Variants in PDE8A observed in about 807,000 individuals in gnomAD.
PDE8A encodes high affinity cAMP-specific and IBMX-insensitive 3',5'-cyclic phosphodiesterase 8A.
PDE8A carries 59 observed loss-of-function variants against 105.0 expected under a neutral mutation model. The observed-to-expected ratio is 0.56, with a 90% CI of 0.46 to 0.70. PDE8A has a LOEUF of 0.70. Among genes scored for constraint, PDE8A ranks in the 30% least tolerant of loss-of-function variants. The pLI is 0.00. For synonymous variants in PDE8A, 355 were observed against 371.9 expected (o/e 0.95, Z 0.52); for missense variants, 1,014 against 1,045.9 (o/e 0.97, Z 0.42).
chr15:85,138,021 G>A lies in PDE8A; in HGVS notation c.*118G>A, dbSNP rs1596556090. ...GGCAGAACAGCCCCCGATCTGCATAGCCTGTGAAAGCCCACGGGGACATCA... is the reference window on the plus strand; with the variant it reads ...GGCAGAACAGCCCCCGATCTGCATAACCTGTGAAAGCCCACGGGGACATCA... On this transcript the variant is annotated 3_prime_UTR_variant, in exon 22 of 22. Coordinates refer to ENST00000394553, the MANE Select transcript of PDE8A (RefSeq NM_002605.3). 2 of 625,226 alleles carry A rather than the reference G, an allele frequency of 3.2e-6. No individual in the cohort carries two copies. The highest frequency in any genetic ancestry group is 5.5e-5 in the East Asian group (2 of 36,138). The allele number at this position is 625,226 out of a possible 1,614,324, so 38.7% of individuals were successfully genotyped here. A position where few individuals can be genotyped will look rare whatever the true frequency, so the allele number is the denominator to read the frequency against.
intron 11 of PDE8A, among the ~76,000 whole-genome samples, chr15:85,107,469 A>C (rs2081963467): frequency 6.6e-6 from 1 of 152,234 alleles, no homozygotes; most frequent in African/African-American, 2.4e-5. Flanking sequence ...TTTTAGAACC[A>C]ATCTGGGAGG....
intron 3 of PDE8A, among the ~76,000 whole-genome samples, chr15:85,075,228 C>G (rs1253431757): frequency 6.6e-6 from 1 of 152,206 alleles, no homozygotes. Context: ...AAGTCTTGTA[C>G]TCTTTGGGTA....
chr15:85,090,378 A>T (rs1475904948), intron 7 of PDE8A, among the ~76,000 whole-genome samples: 1 of 152,238 alleles, frequency 6.6e-6, no homozygotes. Flanking sequence ...GGACCCTGAC[A>T]GATAGTATCA....
chr15:84,995,603 G>C (rs148495971), intron 1 of PDE8A, among the ~76,000 whole-genome samples: 1 of 152,294 alleles, frequency 6.6e-6, no homozygotes, highest in African/African-American at 2.4e-5. Context: ...TTACAGGTGT[G>C]AGCTACCACG....
At chr15:85,079,405 T>C (rs1190187029) in intron 5 of PDE8A, among the ~76,000 whole-genome samples, 3 of 152,178 alleles carry the variant, frequency 2.0e-5, no homozygotes, top group African/African-American at 7.2e-5. Context: ...CTGGGGGTAA[T>C]TGGTATCTTG....
intron 1 of PDE8A, among the ~76,000 whole-genome samples, chr15:85,016,741 T>G (rs1187603125): frequency 6.6e-6 from 1 of 152,222 alleles, no homozygotes; most frequent in African/African-American, 2.4e-5. Context: ...CAAATTAGTA[T>G]AGGGAGAACT....
At chr15:85,037,720 A>C (rs2080730679) in intron 1 of PDE8A, among the ~76,000 whole-genome samples, 1 of 152,126 alleles carries the variant, frequency 6.6e-6, no homozygotes, top group East Asian at 1.9e-4. Flanking sequence ...TGTTCTTCTT[A>C]TTAATTATTA....
At chr15:85,067,760 A>G (rs1314687373) in intron 3 of PDE8A, among the ~76,000 whole-genome samples, 2 of 152,194 alleles carry the variant, frequency 1.3e-5, no homozygotes, top group African/African-American at 2.4e-5. Context: ...GATATAAGCT[A>G]AGTAGATTAA....
At chr15:85,088,327 A>G (rs989604046) in intron 6 of PDE8A, among the ~76,000 whole-genome samples, 12 of 152,152 alleles carry the variant, frequency 7.9e-5, no homozygotes, top group South Asian at 4.2e-4. Context: ...CCCCAGCCCA[A>G]TCTACTTTCT....
chr15:85,062,515 A>AG (rs1567258504), intron 1 of PDE8A: 1 of 152,226 alleles, frequency 6.6e-6, no homozygotes, highest in Non-Finnish European at 1.5e-5. Flanking sequence ...CTTCAACTGG[A>AG]GGGGGAATGG....
At chr15:85,091,545 G>A (rs1309036186) in intron 8 of PDE8A, among the ~76,000 whole-genome samples, 1 of 152,188 alleles carries the variant, frequency 6.6e-6, no homozygotes, top group Non-Finnish European at 1.5e-5. Context: ...AAACATCTGA[G>A]CCCAAGATTT....
rs561968633 is a variant in PDE8A at position 84,990,149 on chromosome 15, G to A, written c.186+7801G>A. 2.0e-5 allele frequency among the ~76,000 whole-genome samples: 3 copies of A among 152,120 alleles called. No individual in the cohort carries two copies. In the East Asian group the frequency reaches 5.8e-4, roughly 29 times the overall value. On this transcript the variant is annotated intron_variant, in intron 1 of 21. Transcript: ENST00000394553. ...AAGGATTGCTCGAGCCCAGGTGTTCGAGACCAGCCTGGGCAATATAGCAAG... is the reference window on the plus strand; with the variant it reads ...AAGGATTGCTCGAGCCCAGGTGTTCAAGACCAGCCTGGGCAATATAGCAAG...
chr15:85,070,287 A>G (rs1047354617), intron 3 of PDE8A, among the ~76,000 whole-genome samples: 2 of 152,154 alleles, frequency 1.3e-5, no homozygotes, highest in Non-Finnish European at 2.9e-5. Context: ...CAAATATTCT[A>G]TGTCTATTAT....
chr15:85,010,035 CTATATGATT>C (rs1207394862), intron 1 of PDE8A, among the ~76,000 whole-genome samples: 2 of 152,106 alleles, frequency 1.3e-5, no homozygotes, highest in African/African-American at 4.8e-5. Context: ...AGATTACATG[CTATATGATT>C]TAGTTTATAC....
chr15:85,015,523 T>C (rs2141341757), intron 1 of PDE8A, among the ~76,000 whole-genome samples: 1 of 152,322 alleles, frequency 6.6e-6, no homozygotes. Flanking sequence ...TAGGTGTTGT[T>C]CAATTTCCCT....
chr15:85,118,657 C>T (rs188553745), intron 17 of PDE8A, among the ~76,000 whole-genome samples: 1 of 152,272 alleles, frequency 6.6e-6, no homozygotes, highest in Non-Finnish European at 1.5e-5. Flanking sequence ...ATCATTTCTT[C>T]TCCTTTGTCC....
intron 8 of PDE8A, 130 bp downstream of exon 8, chr15:85,091,311 T>C (rs1169981810): frequency 1.4e-6 from 1 of 707,864 alleles, no homozygotes; most frequent in African/African-American, 1.8e-5. Context: ...TAGGGAATGT[T>C]ATCCCTGTTA....
intron 11 of PDE8A, among the ~76,000 whole-genome samples, chr15:85,106,963 A>T (rs2081956791): frequency 6.6e-6 from 1 of 152,096 alleles, no homozygotes; most frequent in Non-Finnish European, 1.5e-5. Context: ...CTTCCAGCAG[A>T]TGGTAGGCAC....
intron 1 of PDE8A, among the ~76,000 whole-genome samples, chr15:85,005,426 G>A (rs2080130835): frequency 6.6e-6 from 1 of 152,096 alleles, no homozygotes. Context: ...GTTATTACAG[G>A]AACTTTTAAT....
Sources: gnomAD v4.1 joint callset for allele counts (sites outside exome capture counted in the v4.1 genomes callset) on GRCh38, gnomAD v4.1.1 for gene constraint, MANE v1.5 for transcripts, NCBI Gene and HGNC (gene_info 2026-07-23, HGNC 2026-07-21) for gene names.